OASL: variants seen among roughly 807,000 people sequenced by gnomAD.
OASL encodes the protein 2'-5'-oligoadenylate synthase-like protein.
A neutral mutation model predicts 35.3 loss-of-function variants in OASL; 28 were observed. The observed-to-expected ratio is 0.79, with a 90% CI of 0.59 to 1.09. The LOEUF (loss-of-function observed/expected upper bound fraction) is 1.09. OASL is among the 50% of genes least tolerant of loss of function. The pLI is 0.00. For missense variants in OASL, 620 were observed against 635.2 expected, an observed-to-expected ratio of 0.98 and a Z score of 0.26; for synonymous variants, 252 against 254.6, an observed-to-expected ratio of 0.99 and a Z score of 0.10.
At position 121,020,656 on chromosome 12, in the gene OASL, G is replaced by A. The variant is rs765111763; in HGVS notation, c.1450C>T (p.Gln484Ter). 3.1e-6 allele frequency: 5 copies of A among 1,614,204 alleles called. No homozygotes were observed. In the South Asian group the frequency reaches 5.5e-5, roughly 18 times the overall value. ...TAGATCCCCAGACCCAACCAGTCCT[G>A]CAGGACTTGGCCTTGGAATTCCAGC... Residue 484 changes from glutamine (Q) to a stop codon, truncating the protein, a stop_gained, in exon 6 of 6, where the codon CAG (glutamine) becomes TAG (stop). Coordinates refer to ENST00000257570, the Ensembl canonical transcript of OASL. LOFTEE classifies it low-confidence loss of function (END_TRUNC).
At chr12:121,038,718 G>A (rs755715078) in intron 1 of OASL, 56 bp downstream of exon 1, 38 of 1,573,952 alleles carry the variant, frequency 2.4e-5, no homozygotes, top group Middle Eastern at 1.7e-4. Context: ...CCCCAGGGAC[G>A]TGGACTCTGA....
At chr12:121,036,438 A>G (rs545043881) in intron 1 of OASL, among the ~76,000 whole-genome samples, 2 of 152,278 alleles carry the variant, frequency 1.3e-5, no homozygotes, top group Middle Eastern at 3.4e-3. Context: ...AAAAGTGGCT[A>G]TGATGTGCAG....
rs1023235655 is a variant in OASL at position 121,031,339 on chromosome 12, C to T, written c.657+103G>A. ...GCATTCTCTCCCTCTCTACCTGCTT[C>T]CATTTCCCCTGGCTGCAGCTTCCTG... On this transcript the variant is annotated intron_variant, in intron 3 of 5. Coordinates refer to ENST00000257570, the Ensembl canonical transcript of OASL. 4.4e-6 allele frequency: 5 copies of T among 1,143,750 alleles called. No individual in the cohort carries two copies. The African/African-American group carries it at 4.6e-5, about 10-fold the overall frequency. 70.9% of individuals were successfully genotyped at this position (1,143,750 alleles called of 1,614,324 possible). A position where few individuals can be genotyped will look rare whatever the true frequency, so the allele number is the denominator to read the frequency against.
chr12:121,030,982 A>G (rs1869704839), intron 3 of OASL, among the ~76,000 whole-genome samples: 1 of 151,864 alleles, frequency 6.6e-6, no homozygotes, highest in Non-Finnish European at 1.5e-5. Context: ...AAGAAAAATA[A>G]AAAAAATTAG....
At chr12:121,018,725 C>T (rs1196381957), downstream of OASL, among the ~76,000 whole-genome samples, 2 of 151,774 alleles carry the variant, frequency 1.3e-5, no homozygotes, top group African/African-American at 2.4e-5. Context: ...AAAAAATTAG[C>T]TGGGCACAGT....
intron 5 of OASL, among the ~76,000 whole-genome samples, chr12:121,021,865 G>C (rs868176022): frequency 2.7e-4 from 41 of 152,244 alleles, no homozygotes; most frequent in African/African-American, 9.4e-4. Context: ...GCATTGCCAA[G>C]TTTTCTGACT....
intron 1 of OASL, among the ~76,000 whole-genome samples, chr12:121,034,790 G>A (rs969309658): frequency 3.9e-5 from 6 of 152,118 alleles, no homozygotes; most frequent in South Asian, 2.1e-4. Context: ...TATGCCAAGC[G>A]TTTGGTGGGG....
chr12:121,020,398 G>T, exon 6 of OASL: 1 of 747,782 alleles, frequency 1.3e-6, no homozygotes, highest in Non-Finnish European at 2.1e-6. Context: ...GCCTCCCAAA[G>T]TTCTGGGATT....
intron 3 of OASL, among the ~76,000 whole-genome samples, chr12:121,029,064 GAAAAAAAAAA>G (rs10577200): frequency 9.5e-6 from 1 of 105,092 alleles, no homozygotes; most frequent in Non-Finnish European, 1.9e-5. Context: ...ACTTGTCTCA[GAAAAAAAAAA>G]AAAAAAAAAA....
At chr12:121,021,031 C>T in exon 6 of OASL, 1 of 1,602,312 alleles carries the variant, frequency 6.2e-7, no homozygotes, top group Non-Finnish European at 8.5e-7. Flanking sequence ...CCCCTCTGCT[C>T]CACTGTCAAG....
intron 4 of OASL, among the ~76,000 whole-genome samples, chr12:121,026,529 T>C (rs1190328227): frequency 6.6e-6 from 1 of 152,146 alleles, no homozygotes; most frequent in Non-Finnish European, 1.5e-5. Context: ...ATTACTACTG[T>C]GGTCCACTGG....
At chr12:121,029,186 A>G (rs1429607188) in intron 3 of OASL, among the ~76,000 whole-genome samples, 2 of 151,784 alleles carry the variant, frequency 1.3e-5, no homozygotes, top group Non-Finnish European at 2.9e-5. Flanking sequence ...ATATTTTCCT[A>G]TGGCCATCAT....
chr12:121,027,680 G>A (rs760530677), exon 4 of OASL: 17 of 1,614,092 alleles, frequency 1.1e-5, no homozygotes, highest in Non-Finnish European at 1.4e-5. Flanking sequence ...CCAGGAGCAG[G>A]TCCATCACAG....
chr12:121,030,632 C>T lies in OASL; in HGVS notation c.657+810G>A, dbSNP rs965183001. Among the ~76,000 whole-genome samples the T allele has an allele frequency of 5.9e-5, 9 of 152,052 alleles. No homozygotes were observed. In the East Asian group the frequency reaches 1.2e-3, roughly 19 times the overall value. ...TTTGCAGTTGGAGTTTCCGTTATCT[C>T]GGAGGAAGATTTTGTTTCCAAAACT... is the stretch of plus-strand genomic sequence containing the variant. On this transcript the variant is annotated intron_variant, in intron 3 of 5. Transcript: ENST00000257570.
intron 1 of OASL, 104 bp from the exon 2 acceptor site, chr12:121,033,847 G>T: frequency 7.9e-7 from 1 of 1,260,764 alleles, no homozygotes; most frequent in Non-Finnish European, 1.1e-6. Context: ...ACCACCCGCT[G>T]AGGGATGGGT....
intron 5 of OASL, among the ~76,000 whole-genome samples, chr12:121,022,085 CT>C (rs66924657): frequency 0.038 from 4,051 of 107,988 alleles, 85 homozygotes; most frequent in East Asian, 0.13. Flanking sequence ...AAGTTTTGTT[CT>C]TTTTTTTTTT....
intron 3 of OASL, among the ~76,000 whole-genome samples, chr12:121,028,923 G>T (rs1451854829): frequency 6.6e-6 from 1 of 151,984 alleles, no homozygotes; most frequent in Non-Finnish European, 1.5e-5. Flanking sequence ...AAATTAGCCA[G>T]GTGTGGTGGC....
At chr12:121,034,496 G>A (rs1592939700) in intron 1 of OASL, among the ~76,000 whole-genome samples, 1 of 152,240 alleles carries the variant, frequency 6.6e-6, no homozygotes, top group East Asian at 1.9e-4. Context: ...ACAGAGTAAG[G>A]CCTACTCCAG....
rs186229872 is a variant in OASL at position 121,034,367 on chromosome 12, A to T, written c.199-624T>A. 2.9e-4 allele frequency among the ~76,000 whole-genome samples: 44 copies of T among 152,036 alleles called. No homozygotes were observed. In the East Asian group the frequency reaches 7.1e-3, roughly 25 times the overall value. On this transcript the variant is annotated intron_variant, in intron 1 of 5. Coordinates refer to ENST00000257570, the Ensembl canonical transcript of OASL. ...TTTTTTGTAGTGACTGGGTTTTGGC[A>T]TGTCGCCCAGGCTGGTCTCGAACTC... is the stretch of plus-strand genomic sequence containing the variant.
Sources: gnomAD v4.1 joint callset for allele counts (sites outside exome capture counted in the v4.1 genomes callset) on GRCh38, gnomAD v4.1.1 for gene constraint, MANE v1.5 for transcripts, NCBI Gene and HGNC (gene_info 2026-07-23, HGNC 2026-07-21) for gene names.